ZNF431: variants seen among roughly 807,000 people sequenced by gnomAD.
The protein encoded by ZNF431 is zinc finger protein 431.
A neutral mutation model predicts 57.0 loss-of-function variants in ZNF431; 34 were observed. The observed-to-expected ratio is 0.60, with a 90% CI of 0.45 to 0.79. The LOEUF (loss-of-function observed/expected upper bound fraction) is 0.79, where lower values mean the gene tolerates loss of function less well. ZNF431 is among the 30% of genes least tolerant of loss of function. ZNF431 has a pLI of 0.00. For synonymous variants in ZNF431, 207 were observed against 220.3 expected (o/e 0.94, Z 0.54); for missense variants, 607 against 667.1 (o/e 0.91, Z 0.99).
Position 21,183,657 on chromosome 19 carries a change from G to T in ZNF431, c.1354G>T (p.Gly452Ter), listed in dbSNP as rs760900931. 3 of 1,613,366 alleles carry T rather than the reference G, an allele frequency of 1.9e-6. No homozygotes were observed. Among genetic ancestry groups the T allele is most frequent in the Non-Finnish European group, 2.5e-6 (3 of 1,179,910 alleles). Residue 452 changes from glycine (G) to a stop codon, truncating the protein, a stop_gained, in exon 5 of 5, where the codon GGA becomes TGA. Coordinates refer to ENST00000311048, the MANE Select transcript of ZNF431 (RefSeq NM_133473.4). LOFTEE classifies it high-confidence loss of function. ...TACTGCACATAAGATAATTCATACTGGAGAGAAACCTTACAAATGTGAAGA... is the reference window on the plus strand; with the variant it reads ...TACTGCACATAAGATAATTCATACTTGAGAGAAACCTTACAAATGTGAAGA... ...QLTAHKIIHT[G>*]EKPYKCEECG... is the part of the protein sequence containing the mutation.
rs1971301629 is a variant in ZNF431 at position 21,184,179 on chromosome 19, GTC to G, written c.*149_*150del. ...ATCCTGGCCAACATGGTGAAACCCTGTCTCTACTAAAAATACAAAAATTATCT... is the reference window on the plus strand; with the variant it reads ...ATCCTGGCCAACATGGTGAAACCCTGTCTACTAAAAATACAAAAATTATCT... On this transcript the variant is annotated 3_prime_UTR_variant, in exon 5 of 5. Transcript: ENST00000311048. 6.0e-6 allele frequency: 4 copies of G among 670,742 alleles called. No homozygotes were observed. Among genetic ancestry groups the G allele is most frequent in the Admixed American group, 6.8e-5 (2 of 29,536 alleles). 41.5% of individuals were successfully genotyped at this position (670,742 alleles called of 1,614,324 possible). A position where few individuals can be genotyped will look rare whatever the true frequency, so the allele number is the denominator to read the frequency against.
rs1008493163 is a variant in ZNF431 at position 21,166,412 on chromosome 19, T to C, written c.174T>C (p.Asn58=). The change falls in exon 3 of 5, where the codon AAT becomes AAC. Residue 58 remains asparagine (N), a synonymous_variant. Coordinates refer to ENST00000311048, the MANE Select transcript of ZNF431 (RefSeq NM_133473.4). ...EWECLNPAQQ[N]LYMNVMLENY... is the part of the protein sequence containing the mutation. ...AATGCCTGAACCCTGCTCAGCAGAATTTATATATGAATGTGATGTTAGAAA... is the reference window on the plus strand; with the variant it reads ...AATGCCTGAACCCTGCTCAGCAGAACTTATATATGAATGTGATGTTAGAAA... 12 of 1,611,092 alleles carry C rather than the reference T, an allele frequency of 7.4e-6. No homozygotes were observed. In the African/African-American group the frequency reaches 1.6e-4, roughly 22 times the overall value.
chr19:21,143,686 T>C, intron 2 of ZNF431, 43 bp downstream of exon 2: 1 of 1,488,460 alleles, frequency 6.7e-7, no homozygotes, highest in Non-Finnish European at 9.4e-7. Flanking sequence ...CCAACCCAGC[T>C]TTCATTTCTT....
intron 2 of ZNF431, among the ~76,000 whole-genome samples, chr19:21,153,460 G>A (rs146805716): frequency 2.0e-5 from 3 of 152,352 alleles, no homozygotes; most frequent in Admixed American, 6.5e-5. Flanking sequence ...GTCATAATGG[G>A]AAGGGTGTTT....
chr19:21,166,372 C>T lies in ZNF431; in HGVS notation c.134C>T (p.Ser45Phe), dbSNP rs890939101. Reference sequence around the variant, plus strand: ...TTTAGGGATGTGGCCATAGAATTCTCTCTGGAGGAGTGGGAATGCCTGAAC... The same window carrying T: ...TTTAGGGATGTGGCCATAGAATTCTTTCTGGAGGAGTGGGAATGCCTGAAC... Reference protein sequence around the residue: ...LTFRDVAIEFSLEEWECLNPA... With the variant: ...LTFRDVAIEFFLEEWECLNPA... Residue 45 changes from serine to phenylalanine, a missense_variant, in exon 3 of 5, where the codon TCT becomes TTT. By Grantham distance (155) the Ser-to-Phe change is radical. Coordinates refer to ENST00000311048, the MANE Select transcript of ZNF431 (RefSeq NM_133473.4). 4 of 1,613,036 alleles carry T rather than the reference C, an allele frequency of 2.5e-6. No homozygotes were observed. The highest frequency in any genetic ancestry group is 3.4e-6 in the Non-Finnish European group (4 of 1,179,792).
At chr19:21,170,862 T>A (rs1429192371) in intron 4 of ZNF431, among the ~76,000 whole-genome samples, 1 of 151,898 alleles carries the variant, frequency 6.6e-6, no homozygotes, top group Non-Finnish European at 1.5e-5. Context: ...TTTAGTAGAG[T>A]CGGGGTTTCA....
chr19:21,164,729 A>G (rs1970670725), intron 2 of ZNF431, among the ~76,000 whole-genome samples: 1 of 151,996 alleles, frequency 6.6e-6, no homozygotes, highest in South Asian at 2.1e-4. Context: ...TAGTACTTGG[A>G]AACCTTCTCT....
At chr19:21,156,699 T>G (rs1004699710) in intron 2 of ZNF431, among the ~76,000 whole-genome samples, 12 of 151,798 alleles carry the variant, frequency 7.9e-5, no homozygotes, top group African/African-American at 2.9e-4. Context: ...TAATCTTGTT[T>G]TTTTTTTTTA....
chr19:21,181,322 T>G (rs1971205433), intron 4 of ZNF431, among the ~76,000 whole-genome samples: 1 of 152,172 alleles, frequency 6.6e-6, no homozygotes, highest in Non-Finnish European at 1.5e-5. Flanking sequence ...TTTAAAGGTT[T>G]TTTTTCTTTT....
intron 2 of ZNF431, chr19:21,150,233 A>G (rs531635189): frequency 1.7e-5 from 9 of 525,268 alleles, no homozygotes; most frequent in South Asian, 3.3e-5. Context: ...TCAGCCGCCT[A>G]TAGAGGATGG....
chr19:21,166,643 G>A (rs1410522310), intron 3 of ZNF431, among the ~76,000 whole-genome samples, 182 bp downstream of exon 3: 1 of 152,070 alleles, frequency 6.6e-6, no homozygotes, highest in Non-Finnish European at 1.5e-5. Flanking sequence ...ATCTTGATCT[G>A]AACTTTCCAC....
chr19:21,180,318 T>C (rs1490030875), intron 4 of ZNF431, among the ~76,000 whole-genome samples: 2 of 152,174 alleles, frequency 1.3e-5, no homozygotes, highest in African/African-American at 4.8e-5. Flanking sequence ...CTGGTAATGG[T>C]TTTTTCTTCT....
Position 21,184,243 on chromosome 19 carries a change from G to A in ZNF431, c.*209G>A, listed in dbSNP as rs575271622. On this transcript the variant is annotated 3_prime_UTR_variant, in exon 5 of 5. Coordinates refer to ENST00000311048, the MANE Select transcript of ZNF431 (RefSeq NM_133473.4). ...CACGTGCCTGTATTCCCATCTACTCGGGAGGCTTAGGCAGGATAATCACTT... is the reference window on the plus strand; with the variant it reads ...CACGTGCCTGTATTCCCATCTACTCAGGAGGCTTAGGCAGGATAATCACTT... The A allele has an allele frequency of 3.8e-4, 167 of 439,550 alleles. 2 individuals are homozygous for A. The highest frequency in any genetic ancestry group is 3.0e-3 in the Middle Eastern group (5 of 1,646). The allele number at this position is 439,550 out of a possible 1,614,324, so 27.2% of individuals were successfully genotyped here.
intron 4 of ZNF431, among the ~76,000 whole-genome samples, chr19:21,171,155 A>G (rs1267952588): frequency 2.0e-5 from 3 of 151,234 alleles, no homozygotes; most frequent in Non-Finnish European, 4.4e-5. Flanking sequence ...TATTTTTTAC[A>G]TGCTTATTTA....
At position 21,142,066 on chromosome 19, in the gene ZNF431, G is replaced by C; in HGVS notation, c.-118G>C. The C allele has an allele frequency of 7.3e-7, 1 of 1,368,952 alleles. No homozygotes were observed. Among genetic ancestry groups the C allele is most frequent in the Non-Finnish European group, 1.0e-6 (1 of 970,598 alleles). 84.8% of individuals were successfully genotyped at this position (1,368,952 alleles called of 1,614,324 possible). A position where few individuals can be genotyped will look rare whatever the true frequency, so the allele number is the denominator to read the frequency against. On this transcript the variant is annotated 5_prime_UTR_variant, in exon 1 of 5. Transcript: ENST00000311048. ...TCTCTCGCCGCAGCCTGAGCTCCAGGTCTCCCCTTCGCTGCTCTGTGTCCT... is the reference window on the plus strand; with the variant it reads ...TCTCTCGCCGCAGCCTGAGCTCCAGCTCTCCCCTTCGCTGCTCTGTGTCCT...
At chr19:21,174,069 C>T (rs1352550342) in intron 4 of ZNF431, among the ~76,000 whole-genome samples, 2 of 152,100 alleles carry the variant, frequency 1.3e-5, no homozygotes, top group African/African-American at 4.8e-5. Flanking sequence ...CCTCAGCCTC[C>T]TGAGTAGCTG....
rs751338565 is a variant in ZNF431 at position 21,142,152 on chromosome 19, C to G, written c.-32C>G. The G allele has an allele frequency of 1.9e-6, 3 of 1,612,262 alleles. No homozygotes were observed. The highest frequency in any genetic ancestry group is 1.6e-4 in the Middle Eastern group (1 of 6,072). ...CCTGCAGGTATTGGGAGACCCACAG[C>G]TAAGACACCGGGACCCCCTGAAAGC... On this transcript the variant is annotated 5_prime_UTR_variant, in exon 1 of 5. Transcript: ENST00000311048.
intron 2 of ZNF431, among the ~76,000 whole-genome samples, chr19:21,159,982 CTTTTT>C (rs11291342): frequency 7.9e-6 from 1 of 126,370 alleles, no homozygotes; most frequent in Non-Finnish European, 1.7e-5. Context: ...TTGCCTCAGC[CTTTTT>C]TTTTTTTTTT....
In ZNF431 at chr19:21,192,925, T is replaced by G. The variant is rs984339620; in HGVS notation, c.*8891T>G. The G allele has an allele frequency of 6.6e-6, 1 of 152,198 alleles. No individual in the cohort carries two copies. The highest frequency in any genetic ancestry group is 1.5e-5 in the Non-Finnish European group (1 of 68,028). The allele number at this position is 152,198 out of a possible 1,614,324, so 9.4% of individuals were successfully genotyped here. On this transcript the variant is annotated 3_prime_UTR_variant, in exon 5 of 5. Coordinates refer to ENST00000311048, the MANE Select transcript of ZNF431 (RefSeq NM_133473.4). ...CATACATACAAAAAAAGTCAGAGAC[T>G]ACTATGAACATCTCTATGCCTGCAA...
Sources: allele counts gnomAD v4.1 joint callset (sites outside exome capture counted in the v4.1 genomes callset), GRCh38; gene constraint gnomAD v4.1.1; transcripts MANE v1.5; gene names NCBI Gene and HGNC (gene_info 2026-07-23, HGNC 2026-07-21).